OR56A3: variants seen among roughly 807,000 people sequenced by gnomAD.
OR56A3 encodes olfactory receptor 56A3.
In OR56A3, 23 loss-of-function variants were observed where a neutral mutation model predicts 17.5. The observed-to-expected ratio is 1.32, with a 90% CI of 0.95 to 1.87. The LOEUF is 1.87. Ranked by LOEUF, OR56A3 falls within the 40% of genes most tolerant of loss-of-function variation. OR56A3 has a pLI of 0.00. For synonymous variants in OR56A3, 175 were observed against 150.6 expected (o/e 1.16, Z -1.19); for missense variants, 366 against 380.1 (o/e 0.96, Z 0.31).
At chr11:5,967,934 C>A in the OR56A3 span, 2 of 1,595,698 alleles carry the variant, frequency 1.3e-6, no homozygotes, top group Non-Finnish European at 1.7e-6. Flanking sequence ...AGAGTTTAGA[C>A]ACAGACACGT....
At chr11:5,984,355 A>T in the OR56A3 span, among the ~76,000 whole-genome samples, 4 of 152,200 alleles carry the variant, frequency 2.6e-5, no homozygotes, top group African/African-American at 9.6e-5. Flanking sequence ...TACCAAAAAA[A>T]TGGTGGTTTA....
chr11:5,982,466 G>A, the OR56A3 span, among the ~76,000 whole-genome samples: 3 of 152,128 alleles, frequency 2.0e-5, no homozygotes, highest in Non-Finnish European at 2.9e-5. Context: ...AGTTGCCACT[G>A]GGAAGCTCCC....
chr11:5,948,298 G>A lies in OR56A3; in HGVS notation c.*4G>A. On this transcript the variant is annotated 3_prime_UTR_variant, in exon 3 of 3. Coordinates refer to ENST00000641160, the MANE Select transcript of OR56A3 (RefSeq NM_001003443.3). ...GTTGTTGAAGAAAGGGTGCTAACAAGGACCACTGGATCTCTGAATATCTAA... is the reference window on the plus strand; with the variant it reads ...GTTGTTGAAGAAAGGGTGCTAACAAAGACCACTGGATCTCTGAATATCTAA... The A allele has an allele frequency of 1.9e-6, 3 of 1,584,470 alleles. No individual in the cohort carries two copies. The highest frequency in any genetic ancestry group is 2.6e-6 in the Non-Finnish European group (3 of 1,154,098).
At chr11:5,967,110 C>T in the OR56A3 span, 45,939 of 153,862 alleles carry the variant, frequency 0.3, 7,119 homozygotes, top group East Asian at 0.47. Context: ...TATATGTCCA[C>T]AAGAGATCCA....
chr11:5,978,119 A>T, the OR56A3 span, among the ~76,000 whole-genome samples: 3 of 152,162 alleles, frequency 2.0e-5, no homozygotes, highest in African/African-American at 7.2e-5. Flanking sequence ...CCTGTAGTAC[A>T]GTTTGAAGTT....
the OR56A3 span, among the ~76,000 whole-genome samples, chr11:5,969,732 ACTAAT>A: frequency 2.0e-5 from 3 of 152,226 alleles, no homozygotes; most frequent in Non-Finnish European, 4.4e-5. Context: ...GGAGAAAAAT[ACTAAT>A]CTATTTATTC....
the OR56A3 span, chr11:6,003,072 C>T: frequency 6.2e-7 from 1 of 1,613,174 alleles, no homozygotes; most frequent in East Asian, 2.2e-5. Context: ...AAAGTACATT[C>T]TAGACGTAGT....
At chr11:5,974,097 C>T in the OR56A3 span, among the ~76,000 whole-genome samples, 2 of 140,814 alleles carry the variant, frequency 1.4e-5, no homozygotes, top group African/African-American at 5.4e-5. Flanking sequence ...TAAATAGTCT[C>T]TTTATTAAAC....
At chr11:5,994,675 G>T in the OR56A3 span, 1 of 811,438 alleles carries the variant, frequency 1.2e-6, no homozygotes, top group South Asian at 1.3e-5. Flanking sequence ...TGATTCTAAA[G>T]TCATCAGCAG....
the OR56A3 span, among the ~76,000 whole-genome samples, chr11:6,011,108 T>C: frequency 6.6e-6 from 1 of 151,980 alleles, no homozygotes; most frequent in African/African-American, 2.4e-5. Context: ...AAATACAATG[T>C]CTATCAGTCT....
the OR56A3 span, among the ~76,000 whole-genome samples, chr11:6,010,667 G>T: frequency 1.3e-5 from 2 of 152,154 alleles, no homozygotes; most frequent in Admixed American, 1.3e-4. Flanking sequence ...CCAGCCTCAG[G>T]TAGTTTGTCA....
the OR56A3 span, among the ~76,000 whole-genome samples, chr11:5,969,189 G>A: frequency 6.6e-6 from 1 of 152,184 alleles, no homozygotes; most frequent in Non-Finnish European, 1.5e-5. Context: ...CCTATAGAAA[G>A]ATAGGCTCAA....
the OR56A3 span, chr11:5,999,789 C>T: frequency 1.3e-5 from 2 of 152,086 alleles, no homozygotes; most frequent in Non-Finnish European, 2.9e-5. Context: ...AGTAGCCATG[C>T]AGAATTTTAA....
At chr11:6,013,324 G>C in the OR56A3 span, among the ~76,000 whole-genome samples, 1 of 152,230 alleles carries the variant, frequency 6.6e-6, no homozygotes, top group Admixed American at 6.5e-5. Flanking sequence ...CTGTGATCCT[G>C]ATGGTCAAGG....
At chr11:6,020,254 G>A in the OR56A3 span, 5 of 152,016 alleles carry the variant, frequency 3.3e-5, no homozygotes, top group African/African-American at 7.2e-5. Flanking sequence ...TGTTTGAACA[G>A]TCCTAAACTA....
At chr11:5,985,512 A>G in the OR56A3 span, among the ~76,000 whole-genome samples, 13 of 152,224 alleles carry the variant, frequency 8.5e-5, no homozygotes, top group African/African-American at 3.1e-4. Context: ...AACAGGAGCC[A>G]ATGATCTGGG....
At chr11:5,963,238 T>C in the OR56A3 span, among the ~76,000 whole-genome samples, 1 of 152,194 alleles carries the variant, frequency 6.6e-6, no homozygotes, top group Non-Finnish European at 1.5e-5. Context: ...TAGTTTGCTT[T>C]TATTTTTCTA....
At chr11:6,004,401 T>C in the OR56A3 span, among the ~76,000 whole-genome samples, 1 of 152,244 alleles carries the variant, frequency 6.6e-6, no homozygotes, top group East Asian at 1.9e-4. Flanking sequence ...GTAATCAGCA[T>C]AGCTACAATG....
At chr11:5,984,127 C>A in the OR56A3 span, among the ~76,000 whole-genome samples, 3 of 152,204 alleles carry the variant, frequency 2.0e-5, no homozygotes, top group Non-Finnish European at 4.4e-5. Flanking sequence ...AATTAAGAGT[C>A]TCTCCTCTAT....
Sources: allele counts gnomAD v4.1 joint callset (sites outside exome capture counted in the v4.1 genomes callset), GRCh38; gene constraint gnomAD v4.1.1; transcripts MANE v1.5; gene names NCBI Gene and HGNC (gene_info 2026-07-23, HGNC 2026-07-21).